Variants in NCAPH2 observed in about 807,000 individuals in gnomAD.
NCAPH2 encodes condensin-2 complex subunit H2.
In NCAPH2, 56 loss-of-function variants were observed where a neutral mutation model predicts 88.6. That is an observed-to-expected ratio of 0.63 (90% CI 0.51 to 0.79). The LOEUF (loss-of-function observed/expected upper bound fraction) is 0.79. NCAPH2 is among the 30% of genes least tolerant of loss of function. The pLI is 0.00. For synonymous variants in NCAPH2, 378 were observed against 313.6 expected, an observed-to-expected ratio of 1.21 and a Z score of -2.17; for missense variants, 794 against 792.0, an observed-to-expected ratio of 1.00 and a Z score of -0.03.
chr22:50,519,909 C>A (rs747845439), intron 9 of NCAPH2: 2 of 468,844 alleles, frequency 4.3e-6, no homozygotes, highest in Non-Finnish European at 5.6e-6. Flanking sequence ...TTTGCTCTGT[C>A]CCCCAGGCTG....
chr22:50,523,224 C>T lies in NCAPH2; in HGVS notation c.1678-11C>T. On this transcript the variant is annotated splice_polypyrimidine_tract_variant and intron_variant, in intron 19 of 19. Coordinates refer to ENST00000420993, the MANE Select transcript of NCAPH2 (RefSeq NM_152299.4). ...CGGTCCCCAGACCCTGCTGATGTGC[C>T]ACCCCTGCAGGCCAATGACTACACA... 1 of 1,613,380 alleles carries T rather than the reference C, an allele frequency of 6.2e-7. No homozygotes were observed. Among genetic ancestry groups the T allele is most frequent in the Non-Finnish European group, 8.5e-7 (1 of 1,179,854 alleles).
At chr22:50,509,039 C>T (rs2068711333) in intron 1 of NCAPH2, among the ~76,000 whole-genome samples, 1 of 152,196 alleles carries the variant, frequency 6.6e-6, no homozygotes, top group African/African-American at 2.4e-5. Context: ...TCTACCAAAT[C>T]CAAGGGACAT....
intron 1 of NCAPH2, chr22:50,515,601 T>G: frequency 1.4e-6 from 1 of 704,532 alleles, no homozygotes; most frequent in Non-Finnish European, 2.0e-6. Flanking sequence ...TTTCACCGTG[T>G]TAGCCAGGAT....
Position 50,520,966 on chromosome 22 carries a change from G to T in NCAPH2, c.863G>T (p.Ser288Ile). 1 of 1,551,012 alleles carries T rather than the reference G, an allele frequency of 6.4e-7. No individual in the cohort carries two copies. Among genetic ancestry groups the T allele is most frequent in the Non-Finnish European group, 8.7e-7 (1 of 1,146,956 alleles). Residue 288 changes from serine (S) to isoleucine (I), a missense_variant and splice_region_variant, in exon 10 of 20, where the codon AGT (serine) becomes ATT (isoleucine). Physicochemically the swap from Ser to Ile is moderately radical, Grantham distance 142. Around this residue, in one of 2 missense-constraint regions of NCAPH2, gnomAD observed 735 missense variants for 696.3 expected, o/e 1.06. Coordinates refer to ENST00000420993, the MANE Select transcript of NCAPH2 (RefSeq NM_152299.4). ...EPKESRSPQQ[S>I]AALPRRYMLR... ...GGGACCCTGTGACTGTCTTTGCAGA[G>T]TGCTGCCCTGCCCAGGAGGTACATG...
chr22:50,512,312 G>C (rs886273530), intron 1 of NCAPH2, among the ~76,000 whole-genome samples: 1 of 152,162 alleles, frequency 6.6e-6, no homozygotes, highest in African/African-American at 2.4e-5. Flanking sequence ...AACTGTGCTG[G>C]GCAGAGCTCC....
At chr22:50,514,330 G>C (rs1045618506) in intron 1 of NCAPH2, among the ~76,000 whole-genome samples, 1 of 152,020 alleles carries the variant, frequency 6.6e-6, no homozygotes, top group Admixed American at 6.6e-5. Context: ...GGCAGGAGGA[G>C]CCCTGTCAGT....
rs1340733993 is a variant in NCAPH2 at position 50,522,541 on chromosome 22, A to G, written c.1347A>G (p.Gly449=). The G allele has an allele frequency of 3.7e-6, 6 of 1,613,528 alleles. No individual in the cohort carries two copies. Among genetic ancestry groups the G allele is most frequent in the Non-Finnish European group, 5.1e-6 (6 of 1,179,966 alleles). ...CTGAGGAGTACATGGAGCCCGAGGG[A>G]GCAGACCCCAGGGAAGCCGCTGACC... is the stretch of plus-strand genomic sequence containing the variant. ...LEPEEYMEPE[G]ADPREAADLD... is the part of the protein sequence containing the mutation. Residue 449 remains glycine, a synonymous_variant, in exon 16 of 20, where the codon GGA becomes GGG. Transcript: ENST00000420993.
chr22:50,514,041 A>C (rs2148658613), intron 1 of NCAPH2, among the ~76,000 whole-genome samples: 1 of 152,090 alleles, frequency 6.6e-6, no homozygotes, highest in Non-Finnish European at 1.5e-5. Context: ...CAGGAGGCGG[A>C]GGTTGCAGTG....
chr22:50,523,237 C>A lies in NCAPH2; in HGVS notation c.1680C>A (p.Ala560=). ...CTGCTGATGTGCCACCCCTGCAGGC[C>A]AATGACTACACAGTGGAGATAACCC... ...CRSMLASLQL[A]NDYTVEITQQ... is the part of the protein sequence containing the mutation. Residue 560 remains alanine, a splice_region_variant and synonymous_variant, in exon 20 of 20, where the codon GCC becomes GCA. Transcript: ENST00000420993. The A allele has an allele frequency of 6.2e-7, 1 of 1,613,176 alleles. No homozygotes were observed. The highest frequency in any genetic ancestry group is 2.2e-5 in the East Asian group (1 of 44,856).
intron 1 of NCAPH2, among the ~76,000 whole-genome samples, chr22:50,510,655 G>A (rs1394561108): frequency 2.0e-5 from 3 of 151,978 alleles, no homozygotes; most frequent in Non-Finnish European, 2.9e-5. Context: ...TCAAACTCCT[G>A]ACCTCAGGTG....
intron 3 of NCAPH2, 47 bp downstream of exon 3, chr22:50,517,529 A>G: frequency 6.2e-7 from 1 of 1,613,904 alleles, no homozygotes. Flanking sequence ...GTGGCCAGGG[A>G]GGCCCCTGCA....
In NCAPH2 at chr22:50,508,402, G is replaced by A; in HGVS notation, c.65G>A (p.Trp22Ter). The change falls in exon 1 of 20, where the codon TGG (tryptophan) becomes TAG (stop). Residue 22 changes from tryptophan (W) to a stop codon, truncating the protein, a stop_gained. Coordinates refer to ENST00000420993, the MANE Select transcript of NCAPH2 (RefSeq NM_152299.4). LOFTEE classifies it high-confidence loss of function. Reference protein sequence around the residue: ...LQPIRDLTKNWEVDVAAQLGE... With the variant: ...LQPIRDLTKN ...CCCATCCGCGACCTCACCAAGAACT[G>A]GGAGGTGGACGTGGCGGCCCAGCTG... 2 of 1,479,228 alleles carry A rather than the reference G, an allele frequency of 1.4e-6. No homozygotes were observed. Among genetic ancestry groups the A allele is most frequent in the Non-Finnish European group, 1.8e-6 (2 of 1,117,304 alleles). The allele number at this position is 1,479,228 out of a possible 1,614,324, so 91.6% of individuals were successfully genotyped here.
rs775804741 is a variant in NCAPH2, at chr22:50,517,937, G to A, written c.421-36G>A. On this transcript the variant is annotated intron_variant, in intron 5 of 19. Coordinates refer to ENST00000420993, the MANE Select transcript of NCAPH2 (RefSeq NM_152299.4). ...GGTCCTGTTCTCCACTGGAGTGGAAGGGTGCCTGGCTCACCCACCCTTGGC... is the reference window on the plus strand; with the variant it reads ...GGTCCTGTTCTCCACTGGAGTGGAAAGGTGCCTGGCTCACCCACCCTTGGC... 13 of 1,608,238 alleles carry A rather than the reference G, an allele frequency of 8.1e-6. No individual in the cohort carries two copies. The East Asian group carries it at 2.7e-4, about 33-fold the overall frequency.
Position 50,521,593 on chromosome 22 carries a change from T to C in NCAPH2, c.984T>C (p.Ser328=), listed in dbSNP as rs759523859. 1.9e-6 allele frequency: 3 copies of C among 1,613,642 alleles called. No individual in the cohort carries two copies. The South Asian group carries it at 3.3e-5, about 18-fold the overall frequency. ...TGGACCCCTTTGACTCCTTGGAGTC[T>C]AAGCCCTTCAAGAAAGGTAATTGGG... ...QSLDPFDSLE[S]KPFKKGRPYS... The change falls in exon 11 of 20, where the codon TCT becomes TCC. Residue 328 remains serine, a synonymous_variant. Transcript: ENST00000420993.
chr22:50,518,500 A>G, intron 7 of NCAPH2, 149 bp from the exon 8 acceptor site: 1 of 1,023,646 alleles, frequency 9.8e-7, no homozygotes. Flanking sequence ...TGCCTGGCTC[A>G]GGGCCCTGCT....
In NCAPH2 at chr22:50,508,256, C is replaced by G. The variant is rs2068679000; in HGVS notation, c.-82C>G. On this transcript the variant is annotated 5_prime_UTR_variant, in exon 1 of 20. Transcript: ENST00000420993. Reference sequence around the variant, plus strand: ...CCTGGGCGGGAACAGCAAAATGGCGCCAGAACTAGTGGCGGGCTGAGGACG... The same window carrying G: ...CCTGGGCGGGAACAGCAAAATGGCGGCAGAACTAGTGGCGGGCTGAGGACG... The G allele has an allele frequency of 8.4e-6, 9 of 1,071,810 alleles. No homozygotes were observed. In the South Asian group the frequency reaches 9.6e-5, roughly 11 times the overall value. 66.4% of individuals were successfully genotyped at this position (1,071,810 alleles called of 1,614,324 possible). A position where few individuals can be genotyped will look rare whatever the true frequency, so the allele number is the denominator to read the frequency against.
Position 50,524,226 on chromosome 22 carries a change from C to G in NCAPH2, c.*851C>G. The G allele has an allele frequency of 1.2e-6, 2 of 1,607,826 alleles. No homozygotes were observed. Among genetic ancestry groups the G allele is most frequent in the South Asian group, 1.1e-5 (1 of 91,064 alleles). Reference sequence around the variant, plus strand: ...GTCCAGCCCCGAACAGGCCTGTGATCAGCAGCCGGGTTCGAAGCCCAGGGC... The same window carrying G: ...GTCCAGCCCCGAACAGGCCTGTGATGAGCAGCCGGGTTCGAAGCCCAGGGC... On this transcript the variant is annotated 3_prime_UTR_variant, in exon 20 of 20. Transcript: ENST00000420993.
Position 50,516,431 on chromosome 22 carries a change from G to T in NCAPH2, c.109-16G>T. ...TGGGCCTTGGATTCCCCCTGTCTTT[G>T]TGTTGTTTCTTGCAGCTGGATCAGA... On this transcript the variant is annotated splice_polypyrimidine_tract_variant and intron_variant, in intron 1 of 19. Coordinates refer to ENST00000420993, the MANE Select transcript of NCAPH2 (RefSeq NM_152299.4). 6.2e-7 allele frequency: 1 copy of T among 1,613,574 alleles called. No homozygotes were observed. The highest frequency in any genetic ancestry group is 8.5e-7 in the Non-Finnish European group (1 of 1,179,524).
At chr22:50,515,542 G>A (rs942892310) in intron 1 of NCAPH2, among the ~76,000 whole-genome samples, 4 of 152,012 alleles carry the variant, frequency 2.6e-5, no homozygotes, top group Admixed American at 1.3e-4. Flanking sequence ...GACTACAGGC[G>A]CCCGCCACCA....
Sources: allele counts gnomAD v4.1 joint callset (sites outside exome capture counted in the v4.1 genomes callset), GRCh38; gene constraint gnomAD v4.1.1; regional missense constraint gnomAD v4.1.1; transcripts MANE v1.5; gene names NCBI Gene and HGNC (gene_info 2026-07-23, HGNC 2026-07-21).